HERC2: variants seen among roughly 807,000 people sequenced by gnomAD.
The protein encoded by HERC2 is HECT and RLD domain containing E3 ubiquitin protein ligase 2.
HERC2 carries 102 observed loss-of-function variants against 537.7 expected under a neutral mutation model. The observed-to-expected ratio is 0.19, with a 90% CI of 0.16 to 0.22. HERC2 has a LOEUF of 0.22. Ranked by LOEUF, HERC2 falls within the 10% of genes least tolerant of loss-of-function variation. The probability of loss-of-function intolerance (pLI) is 1.00; values close to 1 mark genes in which losing one functional copy is unlikely to be tolerated. For missense variants in HERC2, 4,236 were observed against 6,198.2 expected (o/e 0.68, Z 10.63); for synonymous variants, 2,224 against 2,466.2 (o/e 0.90, Z 2.91).
At chr15:28,259,726 G>A (rs1283460801) in intron 16 of HERC2, among the ~76,000 whole-genome samples, 3 of 149,200 alleles carry the variant, frequency 2.0e-5, no homozygotes, top group African/African-American at 7.4e-5. Flanking sequence ...ATGCCAAGGA[G>A]GATGGATCAC....
intron 37 of HERC2, 47 bp downstream of exon 37, chr15:28,220,405 A>G: frequency 1.3e-6 from 2 of 1,548,348 alleles, no homozygotes; most frequent in Non-Finnish European, 8.9e-7. Flanking sequence ...CAGCACCTGG[A>G]CAGTTTGTGG....
chr15:28,115,448 G>A lies in HERC2; in HGVS notation c.13703C>T (p.Thr4568Ile). 1.2e-6 allele frequency: 2 copies of A among 1,613,932 alleles called. No individual in the cohort carries two copies. The highest frequency in any genetic ancestry group is 1.1e-5 in the South Asian group (1 of 91,064). Residue 4568 changes from threonine to isoleucine, a missense_variant, in exon 89 of 93, where the codon ACC becomes ATC. This residue lies in a region of HERC2 where 313 missense variants were observed against 462.6 expected (regional missense o/e 0.68). Coordinates refer to ENST00000261609, the MANE Select transcript of HERC2 (RefSeq NM_004667.6). ...AGTTACCTCACTGAGGTCCGCGATG[G>A]TGAGGCTCATCCCAGCCAGCTGCTT... is the stretch of plus-strand genomic sequence containing the variant. ...VWKQLAGMSL[T>I]IADLSEVDKD... is the part of the protein sequence containing the mutation.
chr15:28,281,472 A>G (rs2076018098), intron 4 of HERC2, among the ~76,000 whole-genome samples: 1 of 152,130 alleles, frequency 6.6e-6, no homozygotes, highest in Non-Finnish European at 1.5e-5. Context: ...CCTCACAGGT[A>G]ATAGCAACAC....
rs1901216113 is a variant in HERC2, at chr15:28,226,721, C to T, written c.5464+1497G>A. On this transcript the variant is annotated intron_variant, in intron 35 of 92. Transcript: ENST00000261609. ...GGCTTTTTGGATACGATATCAAAAG[C>T]ATAGACGACAAAAGAGAAACAGATA... Among the ~76,000 whole-genome samples, 3 of 151,156 alleles carry T rather than the reference C, an allele frequency of 2.0e-5. No individual in the cohort carries two copies. The South Asian group carries it at 6.5e-4, about 33-fold the overall frequency.
chr15:28,198,653 C>T lies in HERC2; in HGVS notation c.7833G>A (p.Trp2611Ter), dbSNP rs1229200085. The T allele has an allele frequency of 6.2e-7, 1 of 1,614,054 alleles. No individual in the cohort carries two copies. The highest frequency in any genetic ancestry group is 1.3e-5 in the African/African-American group (1 of 74,932). The change falls in exon 49 of 93, where the codon TGG becomes TGA. Residue 2611 changes from tryptophan to a stop codon, truncating the protein, a stop_gained. Coordinates refer to ENST00000261609, the MANE Select transcript of HERC2 (RefSeq NM_004667.6). LOFTEE classifies it high-confidence loss of function. ...GLHDLNVQCDWQQKGGTYWVR... is the reference protein window; with the variant it reads ...GLHDLNVQCD The stretch of plus-strand genomic sequence containing the variant: ...CCCAGTAGGTGCCCCCTTTCTGCTG[C>T]CAGTCACACTGCACATTGAGATCAT...
Position 28,223,335 on chromosome 15 carries a change from C to A in HERC2, c.5465-1120G>T, listed in dbSNP as rs554046405. ...ATTTTAGTTTTCTCCTCCAGGTGGG[C>A]GGGAAAAAGACCCAAACAGTCCCAA... is the stretch of plus-strand genomic sequence containing the variant. On this transcript the variant is annotated intron_variant, in intron 35 of 92. Transcript: ENST00000261609. Among the ~76,000 whole-genome samples, 296 of 152,140 alleles carry A rather than the reference C, an allele frequency of 1.9e-3. 1 individual carries two copies. The highest frequency in any genetic ancestry group is 2.3e-3 in the Non-Finnish European group (159 of 68,000).
At chr15:28,130,049 A>G in intron 83 of HERC2, 114 bp downstream of exon 83, 2 of 1,311,464 alleles carry the variant, frequency 1.5e-6, no homozygotes, top group African/African-American at 1.4e-5. Flanking sequence ...CTGGGGCAAC[A>G]GGAGTGAGCC....
chr15:28,262,825 G>A, intron 15 of HERC2, 93 bp downstream of exon 15: 1 of 1,297,106 alleles, frequency 7.7e-7, no homozygotes, highest in Non-Finnish European at 1.1e-6. Context: ...CTAACTCATG[G>A]AATGTCAGGT....
chr15:28,264,020 CA>C (rs34823980), intron 14 of HERC2, among the ~76,000 whole-genome samples: 10,644 of 83,888 alleles, frequency 0.13, 384 homozygotes, highest in East Asian at 0.4. Context: ...CTTTGTCTTA[CA>C]AAAAAAAAAA....
rs1899603699 is a variant in HERC2, at chr15:28,214,227, G to A, written c.6404C>T (p.Thr2135Ile). The change falls in exon 41 of 93, where the codon ACT becomes ATT. Residue 2135 changes from threonine to isoleucine, a missense_variant. This residue lies in a region of HERC2 where 365 missense variants were observed against 468.8 expected (regional missense o/e 0.78). Transcript: ENST00000261609. Reference sequence around the variant, plus strand: ...CGCCAGTGTGCTGCTGTGGGTGGCAGTCAGCGAGGCCTGCGGGCGCACCCT... The same window carrying A: ...CGCCAGTGTGCTGCTGTGGGTGGCAATCAGCGAGGCCTGCGGGCGCACCCT... Reference protein sequence around the residue: ...RRRVRPQASLTATHSSTLAEE... With the variant: ...RRRVRPQASLIATHSSTLAEE... 6.2e-7 allele frequency: 1 copy of A among 1,612,058 alleles called. No individual in the cohort carries two copies. The highest frequency in any genetic ancestry group is 8.5e-7 in the Non-Finnish European group (1 of 1,179,908).
intron 69 of HERC2, among the ~76,000 whole-genome samples, chr15:28,157,481 ATG>A (rs1893128681): frequency 6.6e-6 from 1 of 152,106 alleles, no homozygotes; most frequent in South Asian, 2.1e-4. Flanking sequence ...GGGTGGGTGT[ATG>A]TGTCCAGGAA....
chr15:28,277,733 A>G (rs766884561), intron 5 of HERC2, among the ~76,000 whole-genome samples: 1 of 152,166 alleles, frequency 6.6e-6, no homozygotes, highest in Non-Finnish European at 1.5e-5. Flanking sequence ...AGAAAGAACC[A>G]TGGCACTCCT....
At chr15:28,264,218 G>T (rs2075498252) in intron 14 of HERC2, among the ~76,000 whole-genome samples, 1 of 152,048 alleles carries the variant, frequency 6.6e-6, no homozygotes, top group African/African-American at 2.4e-5. Flanking sequence ...GCCTCTGTGG[G>T]CTTTCTGTCC....
intron 77 of HERC2, 25 bp from the exon 78 acceptor site, chr15:28,141,655 T>C (rs2142243455): frequency 1.2e-6 from 2 of 1,613,880 alleles, no homozygotes; most frequent in Non-Finnish European, 8.5e-7. Flanking sequence ...AAGTGAGCAT[T>C]TGCCATGGGC....
chr15:28,192,364 C>T (rs1221906417), intron 52 of HERC2, among the ~76,000 whole-genome samples: 1 of 152,180 alleles, frequency 6.6e-6, no homozygotes, highest in East Asian at 1.9e-4. Flanking sequence ...ATTTATTCTA[C>T]TAAAACCTCC....
intron 34 of HERC2, 99 bp from the exon 35 acceptor site, chr15:28,228,508 T>C: frequency 9.5e-7 from 1 of 1,057,948 alleles, no homozygotes; most frequent in Non-Finnish European, 1.4e-6. Flanking sequence ...CTGACTATTT[T>C]GAAACCCACT....
intron 86 of HERC2, chr15:28,117,987 C>T: frequency 4.4e-6 from 1 of 225,778 alleles, no homozygotes; most frequent in South Asian, 6.7e-5. Flanking sequence ...ATGACTCCTC[C>T]AGTGAAGCTC....
chr15:28,227,912 C>A (rs1901388707), intron 35 of HERC2, among the ~76,000 whole-genome samples: 1 of 151,818 alleles, frequency 6.6e-6, no homozygotes, highest in Non-Finnish European at 1.5e-5. Flanking sequence ...TATGCAAATC[C>A]ATAGACAGGG....
intron 26 of HERC2, among the ~76,000 whole-genome samples, chr15:28,235,114 C>T (rs1378777729): frequency 1.3e-5 from 2 of 151,946 alleles, no homozygotes; most frequent in Non-Finnish European, 2.9e-5. Context: ...GCTCCAAATC[C>T]AAGCAATCAA....
Sources: allele counts gnomAD v4.1 joint callset (sites outside exome capture counted in the v4.1 genomes callset), GRCh38; gene constraint gnomAD v4.1.1; regional missense constraint gnomAD v4.1.1; transcripts MANE v1.5; gene names NCBI Gene and HGNC (gene_info 2026-07-23, HGNC 2026-07-21).